The following CACNB2 variants were observed in gnomAD, a reference collection of about 807,000 sequenced individuals.
The protein encoded by CACNB2 is voltage-dependent L-type calcium channel subunit beta-2.
Under a neutral mutation model 73.3 loss-of-function variants are expected in CACNB2, and 42 were observed. That is an observed-to-expected ratio of 0.57 (90% CI 0.45 to 0.74). The LOEUF is 0.74. Among genes scored for constraint, CACNB2 ranks in the 30% least tolerant of loss-of-function variants. CACNB2 has a pLI of 0.00. For synonymous variants in CACNB2, 348 were observed against 310.3 expected (o/e 1.12, Z -1.28); for missense variants, 940 against 853.0 (o/e 1.10, Z -1.27).
intron 2 of CACNB2, among the ~76,000 whole-genome samples, chr10:18,342,888 A>C (rs1214885491): frequency 6.6e-6 from 1 of 152,170 alleles, no homozygotes; most frequent in African/African-American, 2.4e-5. Context: ...ATAGTTGTTT[A>C]GAATGCTGAA....
At chr10:18,495,794 C>G (rs1217826926) in intron 3 of CACNB2, among the ~76,000 whole-genome samples, 1 of 151,612 alleles carries the variant, frequency 6.6e-6, no homozygotes, top group Non-Finnish European at 1.5e-5. Flanking sequence ...ATGATTGTAG[C>G]TCTGGAAGTA....
intron 2 of CACNB2, chr10:18,260,439 C>T: frequency 1.0e-6 from 1 of 985,424 alleles, no homozygotes; most frequent in Non-Finnish European, 1.2e-6. Flanking sequence ...AGAAAATGAA[C>T]ATTTGCCAGC....
chr10:18,179,249 G>A (rs1188355371), intron 2 of CACNB2, among the ~76,000 whole-genome samples: 1 of 152,070 alleles, frequency 6.6e-6, no homozygotes, highest in Non-Finnish European at 1.5e-5. Context: ...AAAAAGAAAG[G>A]GTTTATAAAT....
chr10:18,375,571 A>G (rs1273457353), intron 2 of CACNB2, among the ~76,000 whole-genome samples: 1 of 152,166 alleles, frequency 6.6e-6, no homozygotes, highest in Non-Finnish European at 1.5e-5. Flanking sequence ...AGAAGGCAAT[A>G]TTTGTCACAA....
intron 2 of CACNB2, among the ~76,000 whole-genome samples, chr10:18,302,121 C>T (rs2039544254): frequency 1.3e-5 from 2 of 152,024 alleles, no homozygotes; most frequent in Non-Finnish European, 2.9e-5. Context: ...CAAAATTGCC[C>T]ACATCAGGCC....
At chr10:18,414,245 T>G (rs148638060) in intron 3 of CACNB2, among the ~76,000 whole-genome samples, 50 of 152,364 alleles carry the variant, frequency 3.3e-4, no homozygotes, top group African/African-American at 1.1e-3. Flanking sequence ...CTTAGTCACA[T>G]GGGTGCAGAT....
chr10:18,327,799 G>A lies in CACNB2; in HGVS notation c.214-74125G>A, dbSNP rs769407276. Among the ~76,000 whole-genome samples, 4 of 152,062 alleles carry A rather than the reference G, an allele frequency of 2.6e-5. No homozygotes were observed. The South Asian group carries it at 6.2e-4, about 24-fold the overall frequency. On this transcript the variant is annotated intron_variant, in intron 2 of 13. Coordinates refer to ENST00000324631, the MANE Select transcript of CACNB2 (RefSeq NM_201596.3). Reference sequence around the variant, plus strand: ...AAGACAGAAATTTAAGGCAGTATCCGACTAACCTCTTCTTACAGATGAGCA... The same window carrying A: ...AAGACAGAAATTTAAGGCAGTATCCAACTAACCTCTTCTTACAGATGAGCA...
At chr10:18,252,838 C>T (rs1564378222) in intron 2 of CACNB2, among the ~76,000 whole-genome samples, 1 of 152,160 alleles carries the variant, frequency 6.6e-6, no homozygotes, top group Non-Finnish European at 1.5e-5. Context: ...ATTTGGGAAA[C>T]TGCTGGAAGG....
chr10:18,531,155 C>T (rs2056634572), intron 10 of CACNB2, among the ~76,000 whole-genome samples: 1 of 152,210 alleles, frequency 6.6e-6, no homozygotes, highest in Admixed American at 6.5e-5. Context: ...TTAGGTGTCC[C>T]TCAACACTAG....
chr10:18,402,180 T>C lies in CACNB2; in HGVS notation c.333+137T>C, dbSNP rs576865235. On this transcript the variant is annotated intron_variant, in intron 3 of 13. Coordinates refer to ENST00000324631, the MANE Select transcript of CACNB2 (RefSeq NM_201596.3). ...TCTGGTTTTAGAAAGGTACAAAAAA[T>C]GGAGCCTAGTTTCTTCCCTTGGTAG... The C allele has an allele frequency of 4.4e-5, 42 of 959,572 alleles. No individual in the cohort carries two copies. The African/African-American group carries it at 4.9e-4, about 11-fold the overall frequency. 59.4% of individuals were successfully genotyped at this position (959,572 alleles called of 1,614,324 possible). A position where few individuals can be genotyped will look rare whatever the true frequency, so the allele number is the denominator to read the frequency against.
intron 2 of CACNB2, chr10:18,401,162 C>G: frequency 6.3e-7 from 1 of 1,589,902 alleles, no homozygotes; most frequent in Non-Finnish European, 8.6e-7. Context: ...TCTGTTGTTG[C>G]AGTGAGTGCA....
intron 10 of CACNB2, among the ~76,000 whole-genome samples, chr10:18,532,814 CAGATGAAACAA>C (rs2053199156): frequency 1.3e-5 from 2 of 151,298 alleles, no homozygotes; most frequent in Admixed American, 1.3e-4. Context: ...GAACACTTAA[CAGATGAAACAA>C]AGATGAAAAT....
intron 2 of CACNB2, among the ~76,000 whole-genome samples, chr10:18,289,932 A>T (rs1436455992): frequency 6.6e-6 from 1 of 151,900 alleles, no homozygotes; most frequent in Non-Finnish European, 1.5e-5. Context: ...TATATAGATG[A>T]GCAATTCTTT....
At chr10:18,364,187 C>T (rs1490798773) in intron 2 of CACNB2, among the ~76,000 whole-genome samples, 1 of 152,048 alleles carries the variant, frequency 6.6e-6, no homozygotes, top group African/African-American at 2.4e-5. Flanking sequence ...CTCAGGTGAT[C>T]AGGTGATCCA....
At chr10:18,458,644 T>C (rs1564571871) in intron 3 of CACNB2, among the ~76,000 whole-genome samples, 1 of 152,046 alleles carries the variant, frequency 6.6e-6, no homozygotes, top group Non-Finnish European at 1.5e-5. Flanking sequence ...TAAATAATAG[T>C]CCTAATAAAA....
At chr10:18,288,274 A>T (rs1343590396) in intron 2 of CACNB2, among the ~76,000 whole-genome samples, 1 of 152,200 alleles carries the variant, frequency 6.6e-6, no homozygotes. Flanking sequence ...AGGAACACAA[A>T]TTCAGGTTTA....
intron 2 of CACNB2, among the ~76,000 whole-genome samples, chr10:18,357,189 C>T (rs113546040): frequency 2.7e-5 from 4 of 147,852 alleles, no homozygotes; most frequent in African/African-American, 1.0e-4. Context: ...GTGATCCGCC[C>T]GTCTCGGCCT....
chr10:18,456,178 CT>C (rs1322580735), intron 3 of CACNB2, among the ~76,000 whole-genome samples: 1 of 152,084 alleles, frequency 6.6e-6, no homozygotes, highest in Non-Finnish European at 1.5e-5. Context: ...AAGAAACTTC[CT>C]ACTGATCTTG....
At chr10:18,229,723 T>G (rs1160295436) in intron 2 of CACNB2, among the ~76,000 whole-genome samples, 3 of 152,166 alleles carry the variant, frequency 2.0e-5, no homozygotes, top group Non-Finnish European at 2.9e-5. Context: ...AGCTATAGAT[T>G]CATATATTTA....
Sources: allele counts gnomAD v4.1 joint callset (sites outside exome capture counted in the v4.1 genomes callset), GRCh38; gene constraint gnomAD v4.1.1; transcripts MANE v1.5; gene names NCBI Gene and HGNC (gene_info 2026-07-23, HGNC 2026-07-21).